Variants in IQCE observed in about 807,000 individuals in gnomAD.
IQCE encodes the protein IQ motif containing E, also known as IQ domain-containing protein E.
IQCE carries 115 observed loss-of-function variants against 96.0 expected under a neutral mutation model. That is an observed-to-expected ratio of 1.20 (90% confidence interval 1.03 to 1.40). The LOEUF (loss-of-function observed/expected upper bound fraction) is 1.40, where lower values mean the gene tolerates loss of function less well. IQCE is among the 40% of genes most tolerant of loss of function. The probability of loss-of-function intolerance (pLI) is 0.00; values close to 1 mark genes in which losing one functional copy is unlikely to be tolerated. For missense variants in IQCE, 1,041 were observed against 909.1 expected (o/e 1.15, Z -1.87); for synonymous variants, 412 against 371.2 (o/e 1.11, Z -1.26).
chr7:2,601,490 A>T, intron 18 of IQCE, 26 bp downstream of exon 18: 11 of 1,549,452 alleles, frequency 7.1e-6, no homozygotes, highest in Non-Finnish European at 9.8e-6. Context: ...TTCTTGTTTC[A>T]AAATTCGGAT....
chr7:2,579,513 A>G (rs927496233), intron 8 of IQCE, among the ~76,000 whole-genome samples: 6 of 152,226 alleles, frequency 3.9e-5, no homozygotes, highest in Non-Finnish European at 7.3e-5. Context: ...TAAAGAAAAA[A>G]GGCCGTGTCC....
At chr7:2,569,134 G>GA in intron 3 of IQCE, 135 bp downstream of exon 3, 1 of 797,298 alleles carries the variant, frequency 1.3e-6, no homozygotes, top group Non-Finnish European at 2.1e-6. Flanking sequence ...TTCCCACTGG[G>GA]GTCTCCCAGT....
Position 2,559,104 on chromosome 7 carries a change from G to A in IQCE, c.-78G>A. 1 of 960,812 alleles carries A rather than the reference G, an allele frequency of 1.0e-6. No individual in the cohort carries two copies. The highest frequency in any genetic ancestry group is 1.3e-6 in the Non-Finnish European group (1 of 748,552). The allele number at this position is 960,812 out of a possible 1,614,324, so 59.5% of individuals were successfully genotyped here. A position where few individuals can be genotyped will look rare whatever the true frequency, so the allele number is the denominator to read the frequency against. Reference sequence around the variant, plus strand: ...AGGGAAGGCCCCGAGGCTGCGGGCGGCCAGGGCTGCCCGCGGATTCCCAGA... The same window carrying A: ...AGGGAAGGCCCCGAGGCTGCGGGCGACCAGGGCTGCCCGCGGATTCCCAGA... On this transcript the variant is annotated 5_prime_UTR_variant, in exon 1 of 22. Transcript: ENST00000402050.
chr7:2,594,823 C>T, intron 15 of IQCE, 63 bp from the exon 16 acceptor site: 1 of 1,224,926 alleles, frequency 8.2e-7, no homozygotes, highest in Non-Finnish European at 1.2e-6. Flanking sequence ...CCACCCTGCC[C>T]TGTGCCGGCC....
chr7:2,584,245 C>G lies in IQCE; in HGVS notation c.784C>G (p.Leu262Val), dbSNP rs375144768. 6.8e-5 allele frequency: 109 copies of G among 1,613,954 alleles called. No individual in the cohort carries two copies. Among genetic ancestry groups the G allele is most frequent in the Non-Finnish European group, 8.8e-5 (104 of 1,179,888 alleles). ...AATTTGGTATTTACAGGTGCATCGTCTCCAGACCCTCTTGGCAAGTTCTGA... is the reference window on the plus strand; with the variant it reads ...AATTTGGTATTTACAGGTGCATCGTGTCCAGACCCTCTTGGCAAGTTCTGA... The part of the protein sequence containing the change: ...METYYEEVHR[L>V]QTLLASSETT... Residue 262 changes from leucine (L) to valine (V), a missense_variant, in exon 11 of 22, where the codon CTC becomes GTC. Coordinates refer to ENST00000402050, the MANE Select transcript of IQCE (RefSeq NM_152558.5).
At chr7:2,567,036 C>T in intron 1 of IQCE, 80 bp from the exon 2 acceptor site, 2 of 1,175,930 alleles carry the variant, frequency 1.7e-6, no homozygotes, top group Admixed American at 1.8e-5. Flanking sequence ...TGTGGACGGG[C>T]TGTTTTCGCT....
rs140474240 is a variant in IQCE, at chr7:2,582,445, C to G, written c.631-135C>G. 255 of 736,074 alleles carry G rather than the reference C, an allele frequency of 3.5e-4. 2 individuals carry two copies. The East Asian group carries it at 6.3e-3, about 18-fold the overall frequency. The allele number at this position is 736,074 out of a possible 1,614,324, so 45.6% of individuals were successfully genotyped here. A position where few individuals can be genotyped will look rare whatever the true frequency, so the allele number is the denominator to read the frequency against. On this transcript the variant is annotated intron_variant, in intron 8 of 21. Transcript: ENST00000402050. ...TGGGGCCCTCCCTCTTCCCTGGGCC[C>G]GTAGTCTAGAAGAGAGCACAGCGCT...
intron 6 of IQCE, among the ~76,000 whole-genome samples, chr7:2,576,411 C>CT (rs965165823): frequency 3.3e-5 from 5 of 151,290 alleles, no homozygotes; most frequent in African/African-American, 4.9e-5. Flanking sequence ...ACTACAGAGT[C>CT]TTTTTTTTTC....
At chr7:2,606,197 G>C (rs1451106545) in intron 20 of IQCE, among the ~76,000 whole-genome samples, 200 bp downstream of exon 20, 3 of 152,240 alleles carry the variant, frequency 2.0e-5, no homozygotes, top group Non-Finnish European at 2.9e-5. Context: ...CGTGGAGTGG[G>C]CTGGAAGGTG....
At chr7:2,586,123 G>A in intron 11 of IQCE, 85 bp from the exon 12 acceptor site, 1 of 1,291,346 alleles carries the variant, frequency 7.7e-7, no homozygotes, top group Non-Finnish European at 1.1e-6. Flanking sequence ...AACAGAGCAA[G>A]CTGTGATTCA....
In IQCE at chr7:2,598,487, C is replaced by A; in HGVS notation, c.1463C>A (p.Thr488Asn). Reference sequence around the variant, plus strand: ...CAGGCCCAAGAGCTCCCAGCTCCCACTCCCAGCAGCAGGCACTGCGAGCAA... The same window carrying A: ...CAGGCCCAAGAGCTCCCAGCTCCCAATCCCAGCAGCAGGCACTGCGAGCAA... ...PHKAQELPAP[T>N]PSSRHCEQDW... Residue 488 changes from threonine to asparagine, a missense_variant, in exon 17 of 22, where the codon ACT becomes AAT. By Grantham distance (65) the Thr-to-Asn change is moderately conservative (BLOSUM62 0). Coordinates refer to ENST00000402050, the MANE Select transcript of IQCE (RefSeq NM_152558.5). The A allele has an allele frequency of 6.3e-7, 1 of 1,593,654 alleles. No individual in the cohort carries two copies.
chr7:2,612,567 A>C lies in IQCE; in HGVS notation c.*2405A>C, dbSNP rs1357320893. 5 of 85,210 alleles carry C rather than the reference A, an allele frequency of 5.9e-5. No individual in the cohort carries two copies. Among genetic ancestry groups the C allele is most frequent in the Non-Finnish European group, 1.2e-4 (5 of 41,138 alleles). The allele number at this position is 85,210 out of a possible 1,614,324, so 5.3% of individuals were successfully genotyped here. A position where few individuals can be genotyped will look rare whatever the true frequency, so the allele number is the denominator to read the frequency against. ...GCTGTGGGCGGGGCCTAGTCATGGG[A>C]GGGGTGAGCTGTGGGCGGGGCGAGC... On this transcript the variant is annotated 3_prime_UTR_variant, in exon 22 of 22. Coordinates refer to ENST00000402050, the MANE Select transcript of IQCE (RefSeq NM_152558.5).
intron 14 of IQCE, among the ~76,000 whole-genome samples, chr7:2,591,477 G>T (rs563436660): frequency 2.9e-4 from 44 of 152,192 alleles, no homozygotes; most frequent in African/African-American, 1.0e-3. Context: ...TAGTTTGCAA[G>T]AACTACAGTG....
chr7:2,586,275 T>C lies in IQCE; in HGVS notation c.892T>C (p.Ser298Pro). The C allele has an allele frequency of 6.2e-7, 1 of 1,609,290 alleles. No homozygotes were observed. Among genetic ancestry groups the C allele is most frequent in the South Asian group, 1.1e-5 (1 of 91,070 alleles). Reference sequence around the variant, plus strand: ...GATGGGCAGTGCCCTCCTGAGCTTGTCCCGGAGTGTCCAGGAGCTCACGGA... The same window carrying C: ...GATGGGCAGTGCCCTCCTGAGCTTGCCCCGGAGTGTCCAGGAGCTCACGGA... ...KKMGSALLSL[S>P]RSVQELTEEN... The change falls in exon 12 of 22, where the codon TCC becomes CCC. Residue 298 changes from serine to proline, a missense_variant. Transcript: ENST00000402050.
At chr7:2,591,616 A>ATTT (rs766125885) in intron 14 of IQCE, among the ~76,000 whole-genome samples, 8 of 118,650 alleles carry the variant, frequency 6.7e-5, no homozygotes, top group Non-Finnish European at 9.0e-5. Context: ...TCTGCGGGTG[A>ATTT]TTTTTTTTTT....
At chr7:2,596,314 GGAGAGA>G (rs140066878) in intron 16 of IQCE, among the ~76,000 whole-genome samples, 16 of 148,042 alleles carry the variant, frequency 1.1e-4, no homozygotes, top group Admixed American at 3.4e-4. Flanking sequence ...TGAAAATAGA[GGAGAGA>G]GAGAGAGAGA....
chr7:2,567,072 C>A, intron 1 of IQCE, 44 bp from the exon 2 acceptor site: 2 of 1,563,644 alleles, frequency 1.3e-6, no homozygotes, highest in East Asian at 2.2e-5. Flanking sequence ...GTCGGAAGCC[C>A]AGCAGGTGCC....
intron 3 of IQCE, among the ~76,000 whole-genome samples, 200 bp downstream of exon 3, chr7:2,569,199 A>G (rs1249918027): frequency 6.6e-6 from 1 of 152,086 alleles, no homozygotes. Flanking sequence ...TCTCAGGAGC[A>G]CGTGGAGTCC....
chr7:2,573,509 CTA>C, intron 6 of IQCE, 21 bp downstream of exon 6: 3 of 1,319,024 alleles, frequency 2.3e-6, no homozygotes, highest in Non-Finnish European at 3.3e-6. Context: ...GGTTTGTTCT[CTA>C]TTGATTTGAA....
Sources: allele counts gnomAD v4.1 joint callset (sites outside exome capture counted in the v4.1 genomes callset), GRCh38; gene constraint gnomAD v4.1.1; transcripts MANE v1.5; gene names NCBI Gene and HGNC (gene_info 2026-07-23, HGNC 2026-07-21).